COL4A2: variants seen among roughly 807,000 people sequenced by gnomAD.
COL4A2 encodes the protein collagen type IV alpha 2 chain.
A neutral mutation model predicts 200.2 loss-of-function variants in COL4A2; 99 were observed. The observed-to-expected ratio is 0.49, with a 90% CI of 0.42 to 0.58. The LOEUF (loss-of-function observed/expected upper bound fraction) is 0.58, where lower values mean the gene tolerates loss of function less well. Among genes scored for constraint, COL4A2 ranks in the 20% least tolerant of loss-of-function variants. The pLI is 0.00. For missense variants in COL4A2, 1,950 were observed against 2,314.1 expected (o/e 0.84, Z 3.23); for synonymous variants, 897 against 900.6 (o/e 1.00, Z 0.07).
rs1303467539 is a variant in COL4A2 at position 110,355,775 on chromosome 13, T to G, written c.100-1697T>G. On this transcript the variant is annotated intron_variant, in intron 3 of 47. Coordinates refer to ENST00000360467, the MANE Select transcript of COL4A2 (RefSeq NM_001846.4). The stretch of plus-strand genomic sequence containing the variant: ...AGGGCTGCACTAGCTCACCTGTGTG[T>G]GGGGGTGGAGGGCTGTACAGCTCAC... 8.2e-5 allele frequency among the ~76,000 whole-genome samples: 3 copies of G among 36,670 alleles called. 1 individual carries two copies. The highest frequency in any genetic ancestry group is 6.5e-4 in the Admixed American group (2 of 3,070). 24.1% of individuals were successfully genotyped at this position (36,670 alleles called of 152,430 possible). A position where few individuals can be genotyped will look rare whatever the true frequency, so the allele number is the denominator to read the frequency against.
intron 3 of COL4A2, among the ~76,000 whole-genome samples, chr13:110,319,075 T>C (rs1442766245): frequency 6.6e-6 from 1 of 151,884 alleles, no homozygotes; most frequent in Admixed American, 6.6e-5. Flanking sequence ...GCCATGGTAC[T>C]GGGACAGGAG....
chr13:110,359,639 C>T (rs1877433041), intron 4 of COL4A2, among the ~76,000 whole-genome samples: 1 of 152,188 alleles, frequency 6.6e-6, no homozygotes. Flanking sequence ...CCCTACCTGC[C>T]AGGAAGAACG....
At chr13:110,361,612 A>G (rs138659244) in intron 4 of COL4A2, among the ~76,000 whole-genome samples, 72 of 152,330 alleles carry the variant, frequency 4.7e-4, no homozygotes, top group African/African-American at 1.7e-3. Flanking sequence ...CAAGCATACT[A>G]TGGATTCCAG....
intron 3 of COL4A2, among the ~76,000 whole-genome samples, chr13:110,331,488 C>T (rs1255137203): frequency 6.6e-6 from 1 of 152,154 alleles, no homozygotes; most frequent in Non-Finnish European, 1.5e-5. Context: ...TCACGCCTGA[C>T]CCTCGTTACT....
chr13:110,462,472 T>C, intron 24 of COL4A2, 88 bp downstream of exon 24: 1 of 1,391,294 alleles, frequency 7.2e-7, no homozygotes, highest in Non-Finnish European at 9.9e-7. Flanking sequence ...AGTATTGACA[T>C]GAGCACTAAA....
intron 3 of COL4A2, among the ~76,000 whole-genome samples, chr13:110,322,984 G>A (rs1202762349): frequency 6.6e-5 from 10 of 152,358 alleles, no homozygotes; most frequent in East Asian, 3.9e-4. Flanking sequence ...AACAAAGGGC[G>A]TGTTGCCATC....
rs1884111905 is a variant in COL4A2 at position 110,512,258 on chromosome 13, A to G, written c.*67A>G. 6.7e-7 allele frequency: 1 copy of G among 1,492,424 alleles called. No homozygotes were observed. The highest frequency in any genetic ancestry group is 1.5e-5 in the African/African-American group (1 of 67,478). The allele number at this position is 1,492,424 out of a possible 1,614,324, so 92.4% of individuals were successfully genotyped here. On this transcript the variant is annotated 3_prime_UTR_variant, in exon 48 of 48. Transcript: ENST00000360467. ...AACTTATTACCTCAGGTGCCAACCCAAAAATTGGTTTTATTTTTTTCTTAA... is the reference window on the plus strand; with the variant it reads ...AACTTATTACCTCAGGTGCCAACCCGAAAATTGGTTTTATTTTTTTCTTAA...
In COL4A2 at chr13:110,480,321, G is replaced by C. The variant is rs770568883; in HGVS notation, c.2689G>C (p.Glu897Gln). Reference protein sequence around the residue: ...GDRGDAGFTGEQGHPGSPGFK... With the variant: ...GDRGDAGFTGQQGHPGSPGFK... The stretch of plus-strand genomic sequence containing the variant: ...CAGAGGAGATGCTGGCTTCACAGGG[G>C]AGCAAGGCCATCCAGGAAGCCCTGG... Residue 897 changes from glutamate to glutamine, a missense_variant, in exon 31 of 48, where the codon GAG becomes CAG. Glu to Gln is a conservative substitution (Grantham distance 29). Coordinates refer to ENST00000360467, the MANE Select transcript of COL4A2 (RefSeq NM_001846.4). The C allele has an allele frequency of 1.2e-6, 2 of 1,614,008 alleles. No homozygotes were observed. Among genetic ancestry groups the C allele is most frequent in the Non-Finnish European group, 1.7e-6 (2 of 1,179,932 alleles).
intron 4 of COL4A2, among the ~76,000 whole-genome samples, chr13:110,358,337 C>T (rs186403336): frequency 2.5e-4 from 38 of 152,270 alleles, no homozygotes; most frequent in African/African-American, 8.9e-4. Context: ...AGAAGGTCTT[C>T]GGGGCAATAA....
At chr13:110,328,547 A>C (rs1207445987) in intron 3 of COL4A2, 1 of 152,236 alleles carries the variant, frequency 6.6e-6, no homozygotes, top group African/African-American at 2.4e-5. Flanking sequence ...CGCACTTTTC[A>C]GAAGAAATCG....
At chr13:110,499,117 G>A (rs1294599837) in intron 40 of COL4A2, among the ~76,000 whole-genome samples, 1 of 152,196 alleles carries the variant, frequency 6.6e-6, no homozygotes, top group Non-Finnish European at 1.5e-5. Flanking sequence ...ATGTCATTCA[G>A]GACACACACT....
Position 110,404,977 on chromosome 13 carries a change from T to C in COL4A2, c.181-19757T>C, listed in dbSNP as rs112427402. Among the ~76,000 whole-genome samples the C allele has an allele frequency of 2.0e-3, 301 of 152,238 alleles. 2 individuals are homozygous for C. Among genetic ancestry groups the C allele is most frequent in the African/African-American group, 7.0e-3 (292 of 41,524 alleles). ...ATAATCCAAAAAAATTAGCCAGGCATGATGGTGCATGCCTGTAGTCTCAGC... is the reference window on the plus strand; with the variant it reads ...ATAATCCAAAAAAATTAGCCAGGCACGATGGTGCATGCCTGTAGTCTCAGC... On this transcript the variant is annotated intron_variant, in intron 4 of 47. Coordinates refer to ENST00000360467, the MANE Select transcript of COL4A2 (RefSeq NM_001846.4).
chr13:110,489,373 T>C lies in COL4A2; in HGVS notation c.3208-72T>C, dbSNP rs184374645. ...GTCGTTAGCATACTGGATAGTTAAA[T>C]AAGTGAGCTAACTTCAGAGTTACAA... On this transcript the variant is annotated intron_variant, in intron 34 of 47. Coordinates refer to ENST00000360467, the MANE Select transcript of COL4A2 (RefSeq NM_001846.4). 1.9e-4 allele frequency: 268 copies of C among 1,407,496 alleles called. 1 individual carries two copies. The East Asian group carries it at 5.7e-3, about 30-fold the overall frequency. 87.2% of individuals were successfully genotyped at this position (1,407,496 alleles called of 1,614,324 possible). A position where few individuals can be genotyped will look rare whatever the true frequency, so the allele number is the denominator to read the frequency against.
chr13:110,331,204 G>A (rs996887128), intron 3 of COL4A2, among the ~76,000 whole-genome samples: 3 of 152,180 alleles, frequency 2.0e-5, no homozygotes, highest in African/African-American at 7.2e-5. Context: ...CCAGGCCATT[G>A]CAAAGGACAG....
At chr13:110,474,852 C>G (rs113837659) in intron 29 of COL4A2, among the ~76,000 whole-genome samples, 40,841 of 114,970 alleles carry the variant, frequency 0.36, 8,718 homozygotes, top group Middle Eastern at 0.4. Flanking sequence ...CATGCTCAAA[C>G]ATGATCACAC....
chr13:110,393,421 G>A (rs1298957585), intron 4 of COL4A2, among the ~76,000 whole-genome samples: 1 of 152,162 alleles, frequency 6.6e-6, no homozygotes, highest in Admixed American at 6.5e-5. Flanking sequence ...ATACAATCCA[G>A]TATAATGTAA....
intron 11 of COL4A2, among the ~76,000 whole-genome samples, chr13:110,432,615 G>A (rs1880722809): frequency 6.6e-6 from 1 of 152,210 alleles, no homozygotes; most frequent in Non-Finnish European, 1.5e-5. Context: ...GTTGGTATAT[G>A]AAAACCACAC....
chr13:110,357,955 G>T (rs779365679), intron 4 of COL4A2, among the ~76,000 whole-genome samples: 12 of 152,184 alleles, frequency 7.9e-5, no homozygotes, highest in Admixed American at 6.5e-5. Flanking sequence ...GGGCGTGACC[G>T]CGCACCACTG....
chr13:110,510,153 G>A lies in COL4A2; in HGVS notation c.4882-1781G>A, dbSNP rs149148415. ...CTGCCCCACCGTCCCCAGTGGGTAC[G>A]CAGAAGGCGAGAGCAGTGCTGAGGC... On this transcript the variant is annotated intron_variant, in intron 47 of 47. Coordinates refer to ENST00000360467, the MANE Select transcript of COL4A2 (RefSeq NM_001846.4). Among the ~76,000 whole-genome samples, 1,018 of 152,374 alleles carry A rather than the reference G, an allele frequency of 6.7e-3. 7 individuals are homozygous for A. Among genetic ancestry groups the A allele is most frequent in the Non-Finnish European group, 9.9e-3 (676 of 68,032 alleles).
Sources: gnomAD v4.1 joint callset for allele counts (sites outside exome capture counted in the v4.1 genomes callset) on GRCh38, gnomAD v4.1.1 for gene constraint, MANE v1.5 for transcripts, NCBI Gene and HGNC (gene_info 2026-07-23, HGNC 2026-07-21) for gene names.